ERAP1: variants seen among roughly 807,000 people sequenced by gnomAD.
ERAP1 encodes the protein adipocyte-derived leucine aminopeptidase.
ERAP1 carries 86 observed loss-of-function variants against 103.7 expected under a neutral mutation model. That is an observed-to-expected ratio of 0.83 (90% CI 0.70 to 0.99). The LOEUF is 0.99. Ranked by LOEUF, ERAP1 falls within the 50% of genes least tolerant of loss-of-function variation. The probability of loss-of-function intolerance (pLI) is 0.00; values close to 1 mark genes in which losing one functional copy is unlikely to be tolerated. For missense variants in ERAP1, 1,009 were observed against 1,128.4 expected, an observed-to-expected ratio of 0.89 and a Z score of 1.52; for synonymous variants, 398 against 402.4, an observed-to-expected ratio of 0.99 and a Z score of 0.13.
chr5:96,880,096 G>A, the ERAP1 span: 1 of 1,614,178 alleles, frequency 6.2e-7, no homozygotes, highest in South Asian at 1.1e-5. Flanking sequence ...GAAAAGAACT[G>A]AAAGTTTTGA....
At chr5:96,903,968 A>G in the ERAP1 span, among the ~76,000 whole-genome samples, 1 of 152,212 alleles carries the variant, frequency 6.6e-6, no homozygotes, top group Non-Finnish European at 1.5e-5. Context: ...TGGACTCTCT[A>G]AGTATTTGAG....
the ERAP1 span, chr5:96,880,052 C>A: frequency 5.6e-6 from 9 of 1,614,156 alleles, no homozygotes; most frequent in South Asian, 8.8e-5. Context: ...TGCCACCCTT[C>A]AGTCAGAGGA....
At chr5:96,773,394 CTAAT>C (rs1223785660), downstream of ERAP1, 3 of 152,808 alleles carry the variant, frequency 2.0e-5, no homozygotes, top group East Asian at 1.9e-4. Context: ...GAAATAAAAT[CTAAT>C]TAATTCTTAG....
the ERAP1 span, chr5:96,896,832 A>C: frequency 8.2e-7 from 1 of 1,219,114 alleles, no homozygotes; most frequent in Non-Finnish European, 1.0e-6. Flanking sequence ...AGAAATGCTA[A>C]GAATGATGAC....
rs757475173 is a variant in ERAP1 at position 96,776,505 on chromosome 5, CG to C, written c.2716del (p.Arg906ValfsTer60). The C allele has an allele frequency of 4.3e-6, 7 of 1,613,984 alleles. No homozygotes were observed. The highest frequency in any genetic ancestry group is 1.3e-5 in the African/African-American group (1 of 74,926). ...SSLKENGSQL[R>X]CVQQTIETIE... ...GGTTTCAATTGTCTGTTGGACACAACGGAGCTGAGAACCATTTTCTTTCAAA... is the reference window on the plus strand; with the variant it reads ...GGTTTCAATTGTCTGTTGGACACAACGAGCTGAGAACCATTTTCTTTCAAA... On this transcript the variant is annotated frameshift_variant, in exon 19 of 19. Transcript: ENST00000443439. LOFTEE classifies it high-confidence loss of function.
At chr5:96,863,032 T>A in the ERAP1 span, among the ~76,000 whole-genome samples, 6 of 152,222 alleles carry the variant, frequency 3.9e-5, no homozygotes, top group Admixed American at 6.5e-5. Flanking sequence ...TCTTGGAAAC[T>A]TATGATTCAC....
At chr5:96,927,224 T>TGCCAGATTGTTTTTGAAAGCA in the ERAP1 span, among the ~76,000 whole-genome samples, 1 of 152,226 alleles carries the variant, frequency 6.6e-6, no homozygotes. Flanking sequence ...TTTGGGGAGC[T>TGCCAGATTGTTTTTGAAAGCA]GCCAGATTGT....
At chr5:96,913,559 C>T in the ERAP1 span, 2 of 1,318,096 alleles carry the variant, frequency 1.5e-6, no homozygotes, top group Non-Finnish European at 2.1e-6. Context: ...TAAATAATAC[C>T]ATTTGTATCC....
the ERAP1 span, among the ~76,000 whole-genome samples, chr5:96,894,512 GC>G: frequency 2.0e-4 from 21 of 105,840 alleles, no homozygotes; most frequent in Admixed American, 5.2e-4. Context: ...CACTAGATGT[GC>G]AGTATTAGGC....
the ERAP1 span, among the ~76,000 whole-genome samples, chr5:96,873,120 C>T: frequency 4.6e-5 from 7 of 151,536 alleles, no homozygotes; most frequent in Admixed American, 1.3e-4. Context: ...ACCCAGGAGG[C>T]GGAGGTTGCA....
upstream of ERAP1, among the ~76,000 whole-genome samples, chr5:96,809,617 A>C (rs115684236): frequency 4.8e-3 from 733 of 152,328 alleles, 8 homozygotes; most frequent in African/African-American, 0.017. Context: ...CCAAGACTCA[A>C]CTACGGTGGG....
the ERAP1 span, among the ~76,000 whole-genome samples, chr5:96,880,762 C>T: frequency 3.9e-5 from 6 of 152,210 alleles, no homozygotes; most frequent in African/African-American, 1.4e-4. Context: ...TCATTGAGCA[C>T]ATACTATGTG....
At chr5:96,902,298 C>T in the ERAP1 span, 1 of 1,611,398 alleles carries the variant, frequency 6.2e-7, no homozygotes, top group African/African-American at 1.3e-5. Flanking sequence ...TCCCATTGAC[C>T]TACTCCACGA....
the ERAP1 span, chr5:96,892,334 A>T: frequency 6.2e-7 from 1 of 1,613,872 alleles, no homozygotes; most frequent in Non-Finnish European, 8.5e-7. Context: ...ACCTGGAGCC[A>T]TGGAAAATTG....
At chr5:96,894,768 C>T in the ERAP1 span, among the ~76,000 whole-genome samples, 1 of 151,882 alleles carries the variant, frequency 6.6e-6, no homozygotes, top group Admixed American at 6.6e-5. Context: ...AACCTGAGAG[C>T]CCTAAATGAA....
the ERAP1 span, among the ~76,000 whole-genome samples, chr5:96,876,875 G>T: frequency 1.3e-5 from 2 of 152,184 alleles, no homozygotes; most frequent in Non-Finnish European, 2.9e-5. Flanking sequence ...AGGGCAAAGA[G>T]CTATGTTTTA....
the ERAP1 span, among the ~76,000 whole-genome samples, chr5:96,872,016 A>C: frequency 6.6e-6 from 1 of 151,996 alleles, no homozygotes; most frequent in South Asian, 2.1e-4. Flanking sequence ...ACTTTCACTG[A>C]TTTTCTTTAA....
intron 4 of ERAP1, among the ~76,000 whole-genome samples, chr5:96,796,359 C>T (rs908089219): frequency 6.6e-6 from 1 of 152,198 alleles, no homozygotes; most frequent in East Asian, 1.9e-4. Flanking sequence ...ACAAGTGTGC[C>T]TTGAAACAAG....
At chr5:96,803,349 G>T in intron 2 of ERAP1, 54 bp downstream of exon 2, 2 of 1,519,840 alleles carry the variant, frequency 1.3e-6, no homozygotes, top group Non-Finnish European at 9.0e-7. Flanking sequence ...CTGAAATAAT[G>T]AATTTAGCGT....
Sources: allele counts gnomAD v4.1 joint callset (sites outside exome capture counted in the v4.1 genomes callset), GRCh38; gene constraint gnomAD v4.1.1; transcripts MANE v1.5; gene names NCBI Gene and HGNC (gene_info 2026-07-23, HGNC 2026-07-21).